The following GRXCR2 variants were observed in gnomAD, a reference collection of about 807,000 sequenced individuals.
GRXCR2 encodes glutaredoxin and cysteine rich domain containing 2.
A neutral mutation model predicts 24.8 loss-of-function variants in GRXCR2; 23 were observed. The observed-to-expected ratio is 0.93, with a 90% confidence interval of 0.67 to 1.32. The LOEUF (loss-of-function observed/expected upper bound fraction) is 1.32, where lower values mean the gene tolerates loss of function less well. Among genes scored for constraint, GRXCR2 ranks in the 40% most tolerant of loss-of-function variants. The probability of loss-of-function intolerance (pLI) is 0.00; values close to 1 mark genes in which losing one functional copy is unlikely to be tolerated. For synonymous variants in GRXCR2, 130 were observed against 116.1 expected (o/e 1.12, Z -0.77); for missense variants, 315 against 303.4 (o/e 1.04, Z -0.28).
rs774574803 is a variant in GRXCR2 at position 145,889,035 on chromosome 5, G to A, written c.-69-22307C>T. ...CTAAAAATATAAAAACTAGCCGGGC[G>A]TGGTGGCAGGCGCCTGTAATCCTGA... is the stretch of plus-strand genomic sequence containing the variant. On this transcript the variant is annotated intron_variant, in intron 2 of 3. Coordinates refer to the GRXCR2 transcript ENST00000639411. Among the ~76,000 whole-genome samples, 8 of 151,936 alleles carry A rather than the reference G, an allele frequency of 5.3e-5. No homozygotes were observed. The East Asian group carries it at 1.2e-3, about 22-fold the overall frequency.
upstream of GRXCR2, among the ~76,000 whole-genome samples, chr5:145,877,018 T>A (rs2149913925): frequency 6.6e-6 from 1 of 152,246 alleles, no homozygotes; most frequent in East Asian, 1.9e-4. Flanking sequence ...TCTTTCCCAG[T>A]TTAATCATAT....
chr5:145,894,837 G>A (rs1322423894), intron 2 of GRXCR2, among the ~76,000 whole-genome samples: 1 of 152,022 alleles, frequency 6.6e-6, no homozygotes, highest in East Asian at 1.9e-4. Context: ...TTAAAAAAAA[G>A]AGAACTTTAG....
intron 2 of GRXCR2, among the ~76,000 whole-genome samples, chr5:145,885,097 CTG>C (rs59158357): frequency 1.9e-3 from 278 of 147,632 alleles, no homozygotes; most frequent in Non-Finnish European, 2.4e-3. Flanking sequence ...GTGTGTGTGT[CTG>C]TGTGTGTGTG....
chr5:145,915,733 C>A (rs79073815), intron 2 of GRXCR2, among the ~76,000 whole-genome samples: 144 of 135,230 alleles, frequency 1.1e-3, no homozygotes, highest in Non-Finnish European at 2.1e-4. Context: ...CACTTCATCT[C>A]AAAAAAAAAA....
At chr5:145,897,291 G>A (rs570477884) in intron 2 of GRXCR2, among the ~76,000 whole-genome samples, 81 of 141,042 alleles carry the variant, frequency 5.7e-4, no homozygotes, top group African/African-American at 5.2e-4. Flanking sequence ...ACATACAAAC[G>A]TTGTGCACAT....
chr5:145,915,134 T>G (rs575093606), intron 2 of GRXCR2, among the ~76,000 whole-genome samples: 2 of 152,238 alleles, frequency 1.3e-5, no homozygotes, highest in South Asian at 4.1e-4. Context: ...CATCTATGGA[T>G]GGCTGTGGTG....
chr5:145,901,133 C>G (rs560896448), intron 2 of GRXCR2, among the ~76,000 whole-genome samples: 2 of 145,566 alleles, frequency 1.4e-5, no homozygotes, highest in Admixed American at 1.4e-4. Flanking sequence ...ACAACAGACA[C>G]TGGGGACTAC....
At chr5:145,912,543 C>T (rs542482739) in intron 2 of GRXCR2, among the ~76,000 whole-genome samples, 1 of 152,234 alleles carries the variant, frequency 6.6e-6, no homozygotes, top group South Asian at 2.1e-4. Flanking sequence ...ACGTAATAAG[C>T]AAATAAATAG....
rs752175323 is a variant in GRXCR2 at position 145,859,890 on chromosome 5, C to A, written c.590G>T (p.Cys197Phe). 1.3e-6 allele frequency: 2 copies of A among 1,594,456 alleles called. No individual in the cohort carries two copies. Among genetic ancestry groups the A allele is most frequent in the Non-Finnish European group, 1.7e-6 (2 of 1,169,456 alleles). The change falls in exon 3 of 3, where the codon TGT becomes TTT. Residue 197 changes from cysteine to phenylalanine, a missense_variant. Coordinates refer to ENST00000377976, the MANE Select transcript of GRXCR2 (RefSeq NM_001080516.2). ...ACTGCCCGACCCTCGGCAGTGAAAACAGCTGTCCTCGGGAATATCCCCTTC... is the reference window on the plus strand; with the variant it reads ...ACTGCCCGACCCTCGGCAGTGAAAAAAGCTGTCCTCGGGAATATCCCCTTC... Reference protein sequence around the residue: ...TQEGDIPEDSCFHCRGSGSAT... With the variant: ...TQEGDIPEDSFFHCRGSGSAT...
chr5:145,878,099 C>T (rs1756646315), intron 2 of GRXCR2, among the ~76,000 whole-genome samples: 1 of 152,160 alleles, frequency 6.6e-6, no homozygotes, highest in Non-Finnish European at 1.5e-5. Context: ...GAAACCAGAG[C>T]AGAAAAGCTG....
intron 2 of GRXCR2, among the ~76,000 whole-genome samples, chr5:145,905,873 G>A (rs887234908): frequency 3.9e-5 from 6 of 152,150 alleles, no homozygotes; most frequent in Non-Finnish European, 7.3e-5. Flanking sequence ...ACAAATAGTG[G>A]TCCAAGAATA....
At chr5:145,906,736 C>T (rs902107993) in intron 2 of GRXCR2, among the ~76,000 whole-genome samples, 11 of 152,198 alleles carry the variant, frequency 7.2e-5, no homozygotes, top group East Asian at 3.8e-4. Context: ...GCTACTCTTC[C>T]GGGCACTGGA....
Position 145,872,979 on chromosome 5 carries a change from T to G in GRXCR2, c.-11A>C, listed in dbSNP as rs922945863. ...CTCAGGGTCCTCCATCAGCAGAAAG[T>G]TGACCCTGTGGTCTCCAGCCTTCCG... On this transcript the variant is annotated 5_prime_UTR_variant, in exon 1 of 3. Coordinates refer to ENST00000377976, the MANE Select transcript of GRXCR2 (RefSeq NM_001080516.2). 1 of 1,612,536 alleles carries G rather than the reference T, an allele frequency of 6.2e-7. No individual in the cohort carries two copies. Among genetic ancestry groups the G allele is most frequent in the Non-Finnish European group, 8.5e-7 (1 of 1,178,712 alleles).
At chr5:145,891,827 A>G (rs1489606379) in intron 2 of GRXCR2, among the ~76,000 whole-genome samples, 2 of 152,132 alleles carry the variant, frequency 1.3e-5, no homozygotes, top group East Asian at 3.9e-4. Flanking sequence ...AAAAGGACAG[A>G]CTGCCTCCTC....
At position 145,916,477 on chromosome 5, in the gene GRXCR2, A is replaced by G. The variant is rs1048482437; in HGVS notation, c.-70+19224T>C. Among the ~76,000 whole-genome samples, 3 of 152,142 alleles carry G rather than the reference A, an allele frequency of 2.0e-5. No homozygotes were observed. In the South Asian group the frequency reaches 6.2e-4, roughly 32 times the overall value. On this transcript the variant is annotated intron_variant, in intron 2 of 3. Coordinates refer to the GRXCR2 transcript ENST00000639411. ...TGCCCCATTTTCTCCACCAGGCCCC[A>G]GGCTGAACCCTGAGGGGAGTCTATG...
upstream of GRXCR2, chr5:145,873,142 T>C (rs1756562450): frequency 1.7e-6 from 1 of 602,554 alleles, no homozygotes; most frequent in South Asian, 2.1e-5. Flanking sequence ...TGATAGACCC[T>C]CATGAAAAGG....
At chr5:145,858,040 G>A (rs1479206817), downstream of GRXCR2, among the ~76,000 whole-genome samples, 19 of 152,138 alleles carry the variant, frequency 1.2e-4, no homozygotes, top group African/African-American at 3.4e-4. Flanking sequence ...AGAGCCAGGC[G>A]CGGTGGCTCA....
chr5:145,871,678 C>G (rs1410210321), intron 1 of GRXCR2, among the ~76,000 whole-genome samples: 1 of 152,070 alleles, frequency 6.6e-6, no homozygotes, highest in Non-Finnish European at 1.5e-5. Context: ...ATACTTTTAC[C>G]AATGCCAGTA....
At chr5:145,906,637 T>G (rs1464109002) in intron 2 of GRXCR2, among the ~76,000 whole-genome samples, 1 of 152,198 alleles carries the variant, frequency 6.6e-6, no homozygotes, top group Non-Finnish European at 1.5e-5. Flanking sequence ...ATGGAATGAT[T>G]CCTGATTAGA....
Sources: gnomAD v4.1 joint callset for allele counts (sites outside exome capture counted in the v4.1 genomes callset) on GRCh38, gnomAD v4.1.1 for gene constraint, MANE v1.5 for transcripts, NCBI Gene and HGNC (gene_info 2026-07-23, HGNC 2026-07-21) for gene names.